Variants in DYNC1I1 observed in about 807,000 individuals in gnomAD.
The protein encoded by DYNC1I1 is dynein cytoplasmic 1 intermediate chain 1, also known as cytoplasmic dynein 1 intermediate chain 1.
In DYNC1I1, 43 loss-of-function variants were observed where a neutral mutation model predicts 86.6. That is an observed-to-expected ratio of 0.50 (90% confidence interval 0.39 to 0.64). The LOEUF is 0.64. Ranked by LOEUF, DYNC1I1 falls within the 30% of genes least tolerant of loss-of-function variation. DYNC1I1 has a pLI of 0.00. For synonymous variants in DYNC1I1, 262 were observed against 283.7 expected (o/e 0.92, Z 0.77); for missense variants, 604 against 788.8 (o/e 0.77, Z 2.81).
intron 14 of DYNC1I1, among the ~76,000 whole-genome samples, chr7:96,068,577 CT>C (rs1268483427): frequency 6.6e-6 from 1 of 152,072 alleles, no homozygotes; most frequent in African/African-American, 2.4e-5. Flanking sequence ...TAGGATAAAT[CT>C]GGGCACTTGG....
At chr7:96,058,913 G>A (rs904058476) in intron 14 of DYNC1I1, among the ~76,000 whole-genome samples, 1 of 150,078 alleles carries the variant, frequency 6.7e-6, no homozygotes, top group Non-Finnish European at 1.5e-5. Flanking sequence ...CAAAGTGCTA[G>A]GATTACAGGA....
chr7:95,818,560 TCCC>T, intron 4 of DYNC1I1: 1 of 662,530 alleles, frequency 1.5e-6, no homozygotes. Context: ...ATGATTCTCC[TCCC>T]TCTTCATCCC....
chr7:95,933,201 A>G (rs1395790122), intron 6 of DYNC1I1, among the ~76,000 whole-genome samples: 1 of 152,162 alleles, frequency 6.6e-6, no homozygotes, highest in East Asian at 1.9e-4. Flanking sequence ...CTTTATTTAT[A>G]CTTTTTAAAA....
chr7:96,003,515 G>A (rs1428804528), intron 10 of DYNC1I1, among the ~76,000 whole-genome samples: 2 of 152,156 alleles, frequency 1.3e-5, no homozygotes, highest in Non-Finnish European at 2.9e-5. Context: ...CTTTGGTAGG[G>A]CTTCCATTCT....
chr7:96,000,270 G>A (rs1793977594), intron 10 of DYNC1I1, among the ~76,000 whole-genome samples: 1 of 152,156 alleles, frequency 6.6e-6, no homozygotes, highest in South Asian at 2.1e-4. Flanking sequence ...CCATGGCTAA[G>A]AATATGAAAA....
At chr7:95,893,807 CAAACAAAGCCAAGTGGAAAGAACAGG>C (rs1157755247) in intron 6 of DYNC1I1, among the ~76,000 whole-genome samples, 1 of 152,118 alleles carries the variant, frequency 6.6e-6, no homozygotes, top group African/African-American at 2.4e-5. Flanking sequence ...AGACAGATGT[CAAACAAAGCCAAGTGGAAAGAACAGG>C]AAACAAAAAT....
chr7:96,104,090 T>C (rs964436211), intron 16 of DYNC1I1, among the ~76,000 whole-genome samples: 4 of 152,198 alleles, frequency 2.6e-5, no homozygotes, highest in African/African-American at 9.6e-5. Context: ...TAATATATTA[T>C]TTCTTCTTTC....
intron 14 of DYNC1I1, among the ~76,000 whole-genome samples, chr7:96,053,100 T>C (rs2116118288): frequency 6.6e-6 from 1 of 152,312 alleles, no homozygotes; most frequent in Non-Finnish European, 1.5e-5. Context: ...TTCCACCTCA[T>C]AAAATGATAG....
intron 3 of DYNC1I1, among the ~76,000 whole-genome samples, chr7:95,812,814 C>T (rs1296229050): frequency 6.6e-6 from 1 of 152,114 alleles, no homozygotes; most frequent in East Asian, 1.9e-4. Flanking sequence ...TATTCAGAAT[C>T]ACTTATTTAA....
At chr7:95,998,407 T>C (rs1452088734) in intron 10 of DYNC1I1, among the ~76,000 whole-genome samples, 1 of 152,228 alleles carries the variant, frequency 6.6e-6, no homozygotes. Flanking sequence ...GTGGCTATCT[T>C]TACCACCTTC....
intron 5 of DYNC1I1, among the ~76,000 whole-genome samples, chr7:95,831,586 T>G (rs1262462883): frequency 6.6e-6 from 1 of 152,192 alleles, no homozygotes; most frequent in African/African-American, 2.4e-5. Flanking sequence ...AACTTCAATA[T>G]TATTTTCCAT....
chr7:95,877,855 C>A (rs928715083), intron 6 of DYNC1I1, among the ~76,000 whole-genome samples: 1 of 152,208 alleles, frequency 6.6e-6, no homozygotes, highest in Non-Finnish European at 1.5e-5. Context: ...AATTATGGAA[C>A]TCAATGGCAG....
At chr7:95,911,075 T>C in intron 6 of DYNC1I1, among the ~76,000 whole-genome samples, 1 of 152,190 alleles carries the variant, frequency 6.6e-6, no homozygotes, top group East Asian at 1.9e-4. Flanking sequence ...TGAAGAGGCA[T>C]TCTCACTCAA....
intron 14 of DYNC1I1, among the ~76,000 whole-genome samples, chr7:96,051,008 C>G (rs1253723263): frequency 6.6e-6 from 1 of 152,136 alleles, no homozygotes. Context: ...GGAGCTGATG[C>G]TCAGAAATAA....
intron 6 of DYNC1I1, among the ~76,000 whole-genome samples, chr7:95,934,813 C>T (rs953853896): frequency 6.6e-6 from 1 of 151,648 alleles, no homozygotes; most frequent in Non-Finnish European, 1.5e-5. Context: ...TTCATACTAG[C>T]AAAATAAAAA....
intron 6 of DYNC1I1, among the ~76,000 whole-genome samples, chr7:95,900,671 T>C (rs1316871080): frequency 6.6e-6 from 1 of 152,192 alleles, no homozygotes; most frequent in Non-Finnish European, 1.5e-5. Context: ...CCTGTAAGAC[T>C]TGGGCTTTTC....
At chr7:95,980,715 A>G (rs115243976) in intron 7 of DYNC1I1, among the ~76,000 whole-genome samples, 5,557 of 152,082 alleles carry the variant, frequency 0.037, 243 homozygotes, top group African/African-American at 0.11. Flanking sequence ...TTTTTCTGCC[A>G]TAGAGTAGGA....
At position 95,862,503 on chromosome 7, in the gene DYNC1I1, G is replaced by A. The variant is rs1287775506; in HGVS notation, c.375-7380G>A. On this transcript the variant is annotated intron_variant, in intron 5 of 16. Coordinates refer to ENST00000447467, the MANE Select transcript of DYNC1I1 (RefSeq NM_001135556.2). Reference sequence around the variant, plus strand: ...GAAACACGAATCAAAACCAAAGTGAGATATCACTTCATATTCACTGGGATG... The same window carrying A: ...GAAACACGAATCAAAACCAAAGTGAAATATCACTTCATATTCACTGGGATG... Among the ~76,000 whole-genome samples the A allele has an allele frequency of 2.0e-5, 3 of 152,278 alleles. No homozygotes were observed. In the East Asian group the frequency reaches 5.8e-4, roughly 29 times the overall value.
intron 10 of DYNC1I1, among the ~76,000 whole-genome samples, chr7:96,002,946 C>T (rs553690433): frequency 2.7e-4 from 41 of 152,124 alleles, no homozygotes; most frequent in African/African-American, 8.7e-4. Flanking sequence ...CAGGTTCAAG[C>T]GATTCTCCTG....
Sources: allele counts gnomAD v4.1 joint callset (sites outside exome capture counted in the v4.1 genomes callset), GRCh38; gene constraint gnomAD v4.1.1; transcripts MANE v1.5; gene names NCBI Gene and HGNC (gene_info 2026-07-23, HGNC 2026-07-21).